The following DPYD variants were observed in gnomAD, a reference collection of about 807,000 sequenced individuals.
DPYD encodes the protein dihydropyrimidine dehydrogenase [NADP(+)].
Under a neutral mutation model 116.2 loss-of-function variants are expected in DPYD, and 109 were observed. The ratio of observed to expected loss-of-function variants is 0.94; its 90% CI spans 0.80 to 1.10. DPYD has a LOEUF of 1.10. DPYD is among the 50% of genes least tolerant of loss of function. DPYD has a pLI of 0.00. For missense variants in DPYD, 1,302 were observed against 1,254.5 expected (o/e 1.04, Z -0.57); for synonymous variants, 440 against 432.0 (o/e 1.02, Z -0.23).
At chr1:97,842,515 C>T (rs368043579) in intron 2 of DPYD, among the ~76,000 whole-genome samples, 94 of 152,068 alleles carry the variant, frequency 6.2e-4, no homozygotes, top group African/African-American at 2.0e-3. Context: ...CCAAATATTT[C>T]AATGCTTTCT....
intron 14 of DPYD, among the ~76,000 whole-genome samples, chr1:97,442,236 A>C (rs558220232): frequency 6.6e-6 from 1 of 151,814 alleles, no homozygotes; most frequent in African/African-American, 2.4e-5. Context: ...TTTGTTTTCT[A>C]TCTCTCAGTG....
chr1:97,713,870 A>G (rs1324690873), intron 5 of DPYD, among the ~76,000 whole-genome samples: 1 of 152,158 alleles, frequency 6.6e-6, no homozygotes, highest in Admixed American at 6.6e-5. Context: ...AATCCCATTT[A>G]AAGTGATAAA....
intron 22 of DPYD, 42 bp from the exon 23 acceptor site, chr1:97,079,188 A>T: frequency 6.2e-7 from 1 of 1,607,406 alleles, no homozygotes; most frequent in Non-Finnish European, 8.5e-7. Flanking sequence ...CTGACCACAA[A>T]GGTCAACAAT....
At chr1:97,535,637 C>T (rs983544140) in intron 12 of DPYD, among the ~76,000 whole-genome samples, 4 of 152,144 alleles carry the variant, frequency 2.6e-5, no homozygotes, top group African/African-American at 4.8e-5. Context: ...AGGTCAAACA[C>T]TGCCATTTAA....
chr1:97,919,480 T>C (rs1253852110), intron 1 of DPYD, among the ~76,000 whole-genome samples: 1 of 152,152 alleles, frequency 6.6e-6, no homozygotes, highest in Non-Finnish European at 1.5e-5. Context: ...AACACACCAT[T>C]CTGAAATTAA....
intron 19 of DPYD, among the ~76,000 whole-genome samples, 176 bp downstream of exon 19, chr1:97,234,676 A>T (rs944470612): frequency 8.5e-5 from 13 of 152,214 alleles, no homozygotes; most frequent in African/African-American, 3.1e-4. Context: ...ACAGGAAATA[A>T]ACCTCAGGTC....
chr1:97,141,027 G>A (rs1001131918), intron 20 of DPYD, among the ~76,000 whole-genome samples: 3 of 152,108 alleles, frequency 2.0e-5, no homozygotes, highest in African/African-American at 7.2e-5. Context: ...CTGTAAACAT[G>A]AGGAGGTAGG....
chr1:97,219,883 T>C (rs1365642070), intron 19 of DPYD, among the ~76,000 whole-genome samples: 9 of 152,174 alleles, frequency 5.9e-5, no homozygotes, highest in Non-Finnish European at 1.3e-4. Flanking sequence ...CATCTCTGCC[T>C]ATGTCTTTCT....
chr1:97,083,375 T>C (rs1649299553), intron 21 of DPYD, among the ~76,000 whole-genome samples: 1 of 152,096 alleles, frequency 6.6e-6, no homozygotes, highest in Non-Finnish European at 1.5e-5. Flanking sequence ...CATATTCTCT[T>C]TGGTATTGCA....
chr1:97,289,342 C>T (rs1349879668), intron 18 of DPYD, among the ~76,000 whole-genome samples: 1 of 152,160 alleles, frequency 6.6e-6, no homozygotes, highest in East Asian at 1.9e-4. Context: ...TGTTATGAGG[C>T]CAGCATCATC....
At chr1:97,735,779 A>G (rs1214103696) in intron 4 of DPYD, among the ~76,000 whole-genome samples, 1 of 151,472 alleles carries the variant, frequency 6.6e-6, no homozygotes, top group African/African-American at 2.4e-5. Context: ...GATTAGAAAA[A>G]AAGCACAAAA....
chr1:97,751,919 C>CGG (rs747224662), intron 3 of DPYD, among the ~76,000 whole-genome samples: 5 of 151,900 alleles, frequency 3.3e-5, no homozygotes, highest in South Asian at 2.1e-4. Context: ...TGTGCCACCA[C>CGG]ATCCAGCTAA....
At chr1:97,241,698 C>T (rs748389113) in intron 18 of DPYD, among the ~76,000 whole-genome samples, 7 of 151,788 alleles carry the variant, frequency 4.6e-5, no homozygotes, top group Non-Finnish European at 1.0e-4. Flanking sequence ...ACAATTGTAG[C>T]TTTGAGCAAG....
At chr1:97,711,568 G>C (rs1432596800) in intron 5 of DPYD, among the ~76,000 whole-genome samples, 4 of 151,846 alleles carry the variant, frequency 2.6e-5, no homozygotes, top group Non-Finnish European at 1.5e-5. Flanking sequence ...TTAGTACATG[G>C]TCAGTTTTGA....
intron 20 of DPYD, among the ~76,000 whole-genome samples, chr1:97,175,377 G>T (rs1443081849): frequency 2.0e-5 from 3 of 152,164 alleles, no homozygotes; most frequent in Non-Finnish European, 1.5e-5. Flanking sequence ...TCAAAGGACA[G>T]ACTACCAAAA....
chr1:97,128,865 T>C (rs542274568), intron 20 of DPYD, among the ~76,000 whole-genome samples: 8 of 152,256 alleles, frequency 5.3e-5, no homozygotes, highest in African/African-American at 1.7e-4. Context: ...TGTTGTAGGA[T>C]AGTATCAACT....
chr1:97,215,494 T>C (rs1037996213), intron 19 of DPYD, among the ~76,000 whole-genome samples: 4 of 152,128 alleles, frequency 2.6e-5, no homozygotes, highest in Admixed American at 6.5e-5. Context: ...CAAGAATGTA[T>C]GGTTGTTGAG....
At chr1:97,794,871 T>C (rs984453057) in intron 3 of DPYD, among the ~76,000 whole-genome samples, 2 of 152,176 alleles carry the variant, frequency 1.3e-5, no homozygotes, top group African/African-American at 4.8e-5. Flanking sequence ...ATAATTTTTA[T>C]GCTATCTTAA....
At chr1:97,294,316 C>T (rs1028367780) in intron 18 of DPYD, among the ~76,000 whole-genome samples, 5 of 152,052 alleles carry the variant, frequency 3.3e-5, no homozygotes, top group African/African-American at 1.2e-4. Flanking sequence ...TATTATATAT[C>T]GTTTTGTTGT....
Sources: allele counts gnomAD v4.1 joint callset (sites outside exome capture counted in the v4.1 genomes callset), GRCh38; gene constraint gnomAD v4.1.1; transcripts MANE v1.5; gene names NCBI Gene and HGNC (gene_info 2026-07-23, HGNC 2026-07-21).